Variants in PCDHGA7 observed in about 807,000 individuals in gnomAD.
PCDHGA7 encodes protocadherin gamma subfamily A, 7, also known as protocadherin gamma-A7.
In PCDHGA7, 44 loss-of-function variants were observed where a neutral mutation model predicts 58.3. That is an observed-to-expected ratio of 0.75 (90% CI 0.59 to 0.97). PCDHGA7 has a LOEUF of 0.97. Among genes scored for constraint, PCDHGA7 ranks in the 50% least tolerant of loss-of-function variants. The pLI, the probability that PCDHGA7 is intolerant of heterozygous loss-of-function variation, is 0.00. For synonymous variants in PCDHGA7, 516 were observed against 504.2 expected, an observed-to-expected ratio of 1.02 and a Z score of -0.31; for missense variants, 1,266 against 1,188.7, an observed-to-expected ratio of 1.06 and a Z score of -0.96.
Position 141,410,300 on chromosome 5 carries a change from T to A in PCDHGA7, c.2424+24977T>A, listed in dbSNP as rs1233506038. 4 of 1,614,022 alleles carry A rather than the reference T, an allele frequency of 2.5e-6. No individual in the cohort carries two copies. In the Admixed American group the frequency reaches 6.7e-5, roughly 27 times the overall value. ...CCTGGTGGTGGCCTTGGCCTTAATC[T>A]CAGTGCTCTTCCTCCTCGCCGTGAT... On this transcript the variant is annotated intron_variant, in intron 1 of 3. Coordinates refer to ENST00000518325, the MANE Select transcript of PCDHGA7 (RefSeq NM_018920.4).
At chr5:141,509,354 A>G (rs1229726913) in intron 3 of PCDHGA7, among the ~76,000 whole-genome samples, 2 of 152,144 alleles carry the variant, frequency 1.3e-5, no homozygotes, top group Non-Finnish European at 2.9e-5. Context: ...TGGCCTGGGC[A>G]TCCCTGAGGT....
At position 141,489,088 on chromosome 5, in the gene PCDHGA7, GAC is replaced by G; in HGVS notation, c.2425-5718_2425-5717del. 5.8e-6 allele frequency: 2 copies of G among 347,236 alleles called. No homozygotes were observed. The highest frequency in any genetic ancestry group is 4.7e-5 in the East Asian group (1 of 21,502). The allele number at this position is 347,236 out of a possible 1,614,324, so 21.5% of individuals were successfully genotyped here. A position where few individuals can be genotyped will look rare whatever the true frequency, so the allele number is the denominator to read the frequency against. ...CCCCTGCCCACCCCCGCCACTCGGT[GAC>G]TAAGAACTGCTGCAAGCAGGCAAAC... On this transcript the variant is annotated intron_variant, in intron 1 of 3. Transcript: ENST00000518325. The surrounding 1 kb of genome is among the most constrained non-coding windows in gnomAD (Gnocchi z 4.5).
intron 1 of PCDHGA7, among the ~76,000 whole-genome samples, chr5:141,480,240 C>CAAA (rs11374694): frequency 1.8e-5 from 2 of 114,046 alleles, no homozygotes; most frequent in Non-Finnish European, 3.8e-5. Context: ...CCTGTCTCTA[C>CAAA]AAAAAAAAAA....
intron 1 of PCDHGA7, chr5:141,423,068 A>T: frequency 6.2e-7 from 1 of 1,614,090 alleles, no homozygotes; most frequent in Non-Finnish European, 8.5e-7. Context: ...AAGGCCAGCG[A>T]GCCGGGACTC....
At position 141,482,865 on chromosome 5, in the gene PCDHGA7, A is replaced by G. The variant is rs557581796; in HGVS notation, c.2425-11942A>G. ...GGTGGGCAGATCACTTGAGGTCAGG[A>G]GTTTGAAACCAGCCTGGCCAACATG... On this transcript the variant is annotated intron_variant, in intron 1 of 3. Coordinates refer to ENST00000518325, the MANE Select transcript of PCDHGA7 (RefSeq NM_018920.4). Among the ~76,000 whole-genome samples, 66 of 152,206 alleles carry G rather than the reference A, an allele frequency of 4.3e-4. 1 individual carries two copies. Among genetic ancestry groups the G allele is most frequent in the African/African-American group, 1.5e-3 (61 of 41,516 alleles).
chr5:141,393,984 C>G (rs1176875822), intron 1 of PCDHGA7: 1 of 1,613,570 alleles, frequency 6.2e-7, no homozygotes, highest in South Asian at 1.1e-5. Flanking sequence ...TGATAATTTA[C>G]CTTTTAAATT....
chr5:141,448,204 C>G (rs757249025), intron 1 of PCDHGA7, among the ~76,000 whole-genome samples: 28 of 152,124 alleles, frequency 1.8e-4, no homozygotes, highest in South Asian at 4.1e-4. Flanking sequence ...CAAACATTTT[C>G]TGTGTGTATG....
At chr5:141,466,027 CAGG>C (rs1174989171) in intron 1 of PCDHGA7, among the ~76,000 whole-genome samples, 1 of 151,890 alleles carries the variant, frequency 6.6e-6, no homozygotes, top group African/African-American at 2.4e-5. Context: ...GAGGGTGAGG[CAGG>C]AGAACGGCAT....
rs192995605 is a variant in PCDHGA7 at position 141,395,094 on chromosome 5, G to C, written c.2424+9771G>C. 2.2e-4 allele frequency: 348 copies of C among 1,614,160 alleles called. 5 individuals carry two copies. The East Asian group carries it at 7.6e-3, about 35-fold the overall frequency. ...CTATTCCCAGGAAGTCTCCCTCACC[G>C]CCGACTCGCGGAAGAGTCACCTGAT... On this transcript the variant is annotated intron_variant, in intron 1 of 3. Transcript: ENST00000518325.
In PCDHGA7 at chr5:141,486,217, T is replaced by C; in HGVS notation, c.2425-8590T>C. ...TGCTGGACGTAAATGACAATGCCCC[T>C]TACATCACAGTGACCTCAGAGCTTG... On this transcript the variant is annotated intron_variant, in intron 1 of 3. Coordinates refer to ENST00000518325, the MANE Select transcript of PCDHGA7 (RefSeq NM_018920.4). The surrounding 1 kb of genome is among the most constrained non-coding windows in gnomAD (Gnocchi z 5.0). The C allele has an allele frequency of 6.2e-7, 1 of 1,614,120 alleles. No homozygotes were observed.
chr5:141,415,293 C>G, intron 1 of PCDHGA7: 1 of 1,614,192 alleles, frequency 6.2e-7, no homozygotes, highest in Non-Finnish European at 8.5e-7. Flanking sequence ...CGGTCTCCTG[C>G]GTCTTCCTGG....
chr5:141,477,568 C>G lies in PCDHGA7; in HGVS notation c.2425-17239C>G. 1 of 1,614,172 alleles carries G rather than the reference C, an allele frequency of 6.2e-7. No individual in the cohort carries two copies. Among genetic ancestry groups the G allele is most frequent in the Non-Finnish European group, 8.5e-7 (1 of 1,180,044 alleles). On this transcript the variant is annotated intron_variant, in intron 1 of 3. Coordinates refer to ENST00000518325, the MANE Select transcript of PCDHGA7 (RefSeq NM_018920.4). The surrounding 1 kb of genome is among the most constrained non-coding windows in gnomAD (Gnocchi z 4.9). ...TACTAAACCTAAGTGTCTGGGACCC[C>G]GACGCCCCGCAGAATGCTCGGCTTT...
chr5:141,384,609 T>C lies in PCDHGA7; in HGVS notation c.1710T>C (p.Asp570=), dbSNP rs967686346. The change falls in exon 1 of 4, where the codon GAT becomes GAC. Residue 570 remains aspartate (D), a synonymous_variant. Coordinates refer to ENST00000518325, the MANE Select transcript of PCDHGA7 (RefSeq NM_018920.4). ...TCCTGTACCCGGCCCTCCCCACAGA[T>C]GGTTCTACTGGCATGGAGCTGGCAC... ...PEILYPALPT[D]GSTGMELAPR... is the part of the protein sequence containing the mutation. 6.2e-7 allele frequency: 1 copy of C among 1,614,148 alleles called. No homozygotes were observed. The highest frequency in any genetic ancestry group is 1.1e-5 in the South Asian group (1 of 91,078).
intron 1 of PCDHGA7, among the ~76,000 whole-genome samples, chr5:141,406,607 C>T (rs1289606470): frequency 6.6e-6 from 1 of 152,202 alleles, no homozygotes; most frequent in Non-Finnish European, 1.5e-5. Flanking sequence ...AAAGTTGTCA[C>T]ATCTTTTATT....
At chr5:141,402,353 GA>G (rs1261209598) in intron 1 of PCDHGA7, among the ~76,000 whole-genome samples, 2 of 151,844 alleles carry the variant, frequency 1.3e-5, no homozygotes, top group Non-Finnish European at 2.9e-5. Context: ...AATTAAAAAT[GA>G]ATGTACTTCC....
chr5:141,398,654 C>G, intron 1 of PCDHGA7: 1 of 1,613,998 alleles, frequency 6.2e-7, no homozygotes, highest in South Asian at 1.1e-5. Context: ...TCTCTTAACC[C>G]AAGTTTCTCA....
chr5:141,427,224 A>G (rs1269896138), intron 1 of PCDHGA7: 1 of 456,768 alleles, frequency 2.2e-6, no homozygotes, highest in East Asian at 6.9e-5. Context: ...TAGCAGTTAT[A>G]CCATGAGAGT....
At chr5:141,419,432 C>A (rs2096381830) in intron 1 of PCDHGA7, 1 of 1,613,160 alleles carries the variant, frequency 6.2e-7, no homozygotes, top group Non-Finnish European at 8.5e-7. Flanking sequence ...CCACGAGCAG[C>A]TGCGCACCTT....
intron 1 of PCDHGA7, among the ~76,000 whole-genome samples, chr5:141,454,268 G>A (rs2098785692): frequency 6.6e-6 from 1 of 152,126 alleles, no homozygotes; most frequent in African/African-American, 2.4e-5. Context: ...AGTAATGCCA[G>A]CAAAAACTTC....
Sources: gnomAD v4.1 joint callset for allele counts (sites outside exome capture counted in the v4.1 genomes callset) on GRCh38, gnomAD v4.1.1 for gene constraint, Gnocchi (gnomAD v3.1) non-coding constraint, MANE v1.5 for transcripts, NCBI Gene and HGNC (gene_info 2026-07-23, HGNC 2026-07-21) for gene names.